The following ITGA7 variants were observed in gnomAD, a reference collection of about 807,000 sequenced individuals.
ITGA7 encodes the protein integrin alpha-7.
A neutral mutation model predicts 131.6 loss-of-function variants in ITGA7; 84 were observed. That is an observed-to-expected ratio of 0.64 (90% confidence interval 0.54 to 0.77). The LOEUF is 0.77. Ranked by LOEUF, ITGA7 falls within the 30% of genes least tolerant of loss-of-function variation. The pLI, the probability that ITGA7 is intolerant of heterozygous loss-of-function variation, is 0.00. For synonymous variants in ITGA7, 548 were observed against 600.7 expected (o/e 0.91, Z 1.28); for missense variants, 1,399 against 1,482.9 (o/e 0.94, Z 0.93).
At chr12:55,686,624 C>T (rs1290542635) in intron 24 of ITGA7, among the ~76,000 whole-genome samples, 1 of 152,204 alleles carries the variant, frequency 6.6e-6, no homozygotes, top group Non-Finnish European at 1.5e-5. Context: ...TGGTTCTGAA[C>T]ATAGCCCCCG....
At chr12:55,701,201 C>T (rs759019644) in intron 3 of ITGA7, 47 bp from the exon 4 acceptor site, 12 of 1,613,710 alleles carry the variant, frequency 7.4e-6, no homozygotes, top group Admixed American at 1.7e-5. Context: ...GGGCCAGGGA[C>T]CTGCTTGAGG....
In ITGA7 at chr12:55,699,889, CAA is replaced by C. The variant is rs1269788705; in HGVS notation, c.769_770del (p.Leu257GlyfsTer4). On this transcript the variant is annotated frameshift_variant, in exon 5 of 25. Coordinates refer to ENST00000257879, the MANE Select transcript of ITGA7 (RefSeq NM_002206.3). LOFTEE classifies it high-confidence loss of function. ...ADRLPGPAGD[L>X]ALNSYLGFSI... is the part of the protein sequence containing the mutation. Reference sequence around the variant, plus strand: ...ACAAACCTAAGTAGCTATTGAGGGCCAAGTCTCCGGCTGGTCCTGGGAGCCGG... The same window carrying C: ...ACAAACCTAAGTAGCTATTGAGGGCCGTCTCCGGCTGGTCCTGGGAGCCGG... 5 of 1,610,454 alleles carry C rather than the reference CAA, an allele frequency of 3.1e-6. No homozygotes were observed.
chr12:55,699,401 G>C (rs1045499190), intron 5 of ITGA7: 4 of 287,184 alleles, frequency 1.4e-5, no homozygotes, highest in African/African-American at 8.8e-5. Context: ...ACATGGATGA[G>C]GGGGAGACAA....
intron 22 of ITGA7, 64 bp from the exon 23 acceptor site, chr12:55,688,364 C>T (rs1005368284): frequency 1.8e-6 from 2 of 1,135,052 alleles, no homozygotes; most frequent in African/African-American, 1.5e-5. Context: ...TTCCCCTTAC[C>T]TCCTGAAATT....
In ITGA7 at chr12:55,698,849, G is replaced by A. The variant is rs563941470; in HGVS notation, c.859C>T (p.Arg287Cys). Residue 287 changes from arginine to cysteine, a missense_variant, in exon 6 of 25, where the codon CGC becomes TGC. Physicochemically the swap from Arg to Cys is radical, Grantham distance 180. Coordinates refer to ENST00000257879, the MANE Select transcript of ITGA7 (RefSeq NM_002206.3). ...ACCACAGCACCCTTGTGGTTGGCGCGGGGGGCTCCAGCCACAAAGCTCAGC... is the reference window on the plus strand; with the variant it reads ...ACCACAGCACCCTTGTGGTTGGCGCAGGGGGCTCCAGCCACAAAGCTCAGC... ...EELSFVAGAPRANHKGAVVIL... is the reference protein window; with the variant it reads ...EELSFVAGAPCANHKGAVVIL... The A allele has an allele frequency of 1.5e-5, 24 of 1,613,632 alleles. No homozygotes were observed. The highest frequency in any genetic ancestry group is 8.3e-5 in the Admixed American group (5 of 60,012).
rs774888135 is a variant in ITGA7 at position 55,698,432 on chromosome 12, G to A, written c.1143C>T (p.Phe381=). 60 of 1,613,558 alleles carry A rather than the reference G, an allele frequency of 3.7e-5. No homozygotes were observed. The highest frequency in any genetic ancestry group is 1.3e-4 in the East Asian group (6 of 44,866). The change falls in exon 7 of 25, where the codon TTC becomes TTT. Residue 381 remains phenylalanine (F), a synonymous_variant. Coordinates refer to ENST00000257879, the MANE Select transcript of ITGA7 (RefSeq NM_002206.3). ...LRLCGSPDSM[F]GISLAVLGDL... is the part of the protein sequence containing the mutation. ...CCCCCAGGACAGCCAGGCTGATCCC[G>A]AACATGGAGTCAGGGGAGCCGCAGA...
chr12:55,703,468 C>G (rs1874536139), intron 1 of ITGA7, among the ~76,000 whole-genome samples: 1 of 151,744 alleles, frequency 6.6e-6, no homozygotes, highest in Admixed American at 6.6e-5. Context: ...GCAGCCAGGC[C>G]AACAGTGCTG....
intron 21 of ITGA7, 51 bp downstream of exon 21, chr12:55,692,793 G>A: frequency 6.4e-7 from 1 of 1,560,778 alleles, no homozygotes. Flanking sequence ...ACCCTTCCTG[G>A]ACACGCAGCA....
At chr12:55,707,951 C>T (rs945133471), upstream of ITGA7, 2 of 1,336,366 alleles carry the variant, frequency 1.5e-6, no homozygotes, top group Non-Finnish European at 1.9e-6. Flanking sequence ...GGCCCCGCCT[C>T]CGGCCCCGCC....
At position 55,703,114 on chromosome 12, in the gene ITGA7, G is replaced by C. The variant is rs1335156420; in HGVS notation, c.271C>G (p.Leu91Val). The C allele has an allele frequency of 6.2e-7, 1 of 1,613,820 alleles. No individual in the cohort carries two copies. Among genetic ancestry groups the C allele is most frequent in the Non-Finnish European group, 8.5e-7 (1 of 1,180,050 alleles). The change falls in exon 2 of 25, where the codon CTC becomes GTC. Residue 91 changes from leucine (L) to valine (V), a missense_variant. Physicochemically the swap from Leu to Val is conservative, Grantham distance 32. Transcript: ENST00000257879. The part of the protein sequence containing the change: ...PGQQANRTGG[L>V]FACPLSLEET... ...TCCAGGCTCAACGGGCAAGCGAAGA[G>C]GCCTCCAGTGCGATTCGCCTGCTGC... is the stretch of plus-strand genomic sequence containing the variant.
chr12:55,703,417 TACAC>T (rs57311080), intron 1 of ITGA7, among the ~76,000 whole-genome samples: 1 of 148,778 alleles, frequency 6.7e-6, no homozygotes, highest in African/African-American at 2.5e-5. Context: ...ACACAGTAGA[TACAC>T]ACACACACAC....
At position 55,707,691 on chromosome 12, in the gene ITGA7, C is replaced by T. The variant is rs755539302; in HGVS notation, c.-9G>A. 10 of 1,563,944 alleles carry T rather than the reference C, an allele frequency of 6.4e-6. No homozygotes were observed. In the South Asian group the frequency reaches 8.2e-5, roughly 13 times the overall value. On this transcript the variant is annotated 5_prime_UTR_variant, in exon 1 of 25. Coordinates refer to ENST00000257879, the MANE Select transcript of ITGA7 (RefSeq NM_002206.3). ...CTCCGAGCCCCGGCCATGGGACGAT[C>T]CCTGCGCGAGCTCCCAGCGAATGCA...
At chr12:55,692,698 G>T in intron 21 of ITGA7, 146 bp downstream of exon 21, 1 of 1,025,864 alleles carries the variant, frequency 9.7e-7, no homozygotes, top group Non-Finnish European at 1.5e-6. Flanking sequence ...AGTGTCAGTA[G>T]CTGCCTCCCG....
At position 55,707,822 on chromosome 12, in the gene ITGA7, C is replaced by CCCAA. The variant is rs2136104717; in HGVS notation, c.-141_-140insTTGG. 28 of 1,411,412 alleles carry CCCAA rather than the reference C, an allele frequency of 2.0e-5. No individual in the cohort carries two copies. The highest frequency in any genetic ancestry group is 2.7e-5 in the South Asian group (2 of 72,736). The allele number at this position is 1,411,412 out of a possible 1,614,324, so 87.4% of individuals were successfully genotyped here. On this transcript the variant is annotated 5_prime_UTR_variant, in exon 1 of 25. Transcript: ENST00000257879. The stretch of plus-strand genomic sequence containing the variant: ...TCTCCCAGACGTTCGCCCCGCCAGC[C>CCCAA]CTCCCGCCCGCCCGCCGCTCCGCCA...
chr12:55,696,917 G>A lies in ITGA7; in HGVS notation c.1719C>T (p.Asp573=), dbSNP rs530050340. 155 of 1,614,156 alleles carry A rather than the reference G, an allele frequency of 9.6e-5. No individual in the cohort carries two copies. The highest frequency in any genetic ancestry group is 1.7e-4 in the Middle Eastern group (1 of 6,046). The part of the protein sequence containing the change: ...LKHQHDRVCG[D]AMFQLQENVK... ...TGTCCACCTGGAGCTGGAACATGGC[G>A]TCTCCACAGACTCGGTCATGCTGGT... is the stretch of plus-strand genomic sequence containing the variant. The change falls in exon 12 of 25, where the codon GAC becomes GAT. Residue 573 remains aspartate, a synonymous_variant. Coordinates refer to ENST00000257879, the MANE Select transcript of ITGA7 (RefSeq NM_002206.3).
chr12:55,700,452 G>C (rs1316173603), intron 4 of ITGA7: 8 of 1,556,778 alleles, frequency 5.1e-6, no homozygotes, highest in Non-Finnish European at 6.9e-6. Context: ...CCTCAGGCCG[G>C]ACACTGAGTT....
At chr12:55,697,318 T>C in intron 10 of ITGA7, 41 bp from the exon 11 acceptor site, 1 of 1,584,018 alleles carries the variant, frequency 6.3e-7, no homozygotes, top group South Asian at 1.1e-5. Flanking sequence ...ACGAGGCTGA[T>C]GGGCCAAGGC....
At chr12:55,716,129 C>A, upstream of ITGA7, 1 of 1,610,804 alleles carries the variant, frequency 6.2e-7, no homozygotes, top group Non-Finnish European at 8.5e-7. Context: ...CCCAGCCCGA[C>A]GTGACCATGC....
intron 1 of ITGA7, 64 bp downstream of exon 1, chr12:55,707,413 A>G (rs1352711621): frequency 7.5e-7 from 1 of 1,327,314 alleles, no homozygotes; most frequent in Non-Finnish European, 1.1e-6. Flanking sequence ...GGAGGCCCAC[A>G]GAGTGGGGAG....
Sources: gnomAD v4.1 joint callset for allele counts (sites outside exome capture counted in the v4.1 genomes callset) on GRCh38, gnomAD v4.1.1 for gene constraint, MANE v1.5 for transcripts, NCBI Gene and HGNC (gene_info 2026-07-23, HGNC 2026-07-21) for gene names.